The following TMCO4 variants were observed in gnomAD, a reference collection of about 807,000 sequenced individuals.
The protein encoded by TMCO4 is transmembrane and coiled-coil domain-containing protein 4.
Under a neutral mutation model 64.7 loss-of-function variants are expected in TMCO4, and 58 were observed. The observed-to-expected ratio is 0.90, with a 90% CI of 0.73 to 1.12. The LOEUF (loss-of-function observed/expected upper bound fraction) is 1.12, where lower values mean the gene tolerates loss of function less well. Among genes scored for constraint, TMCO4 ranks in the 50% most tolerant of loss-of-function variants. The pLI is 0.00. For synonymous variants in TMCO4, 325 were observed against 346.1 expected, an observed-to-expected ratio of 0.94 and a Z score of 0.68; for missense variants, 780 against 825.9, an observed-to-expected ratio of 0.94 and a Z score of 0.68.
At chr1:19,726,164 C>T (rs1323011791) in intron 13 of TMCO4, among the ~76,000 whole-genome samples, 1 of 152,210 alleles carries the variant, frequency 6.6e-6, no homozygotes, top group Non-Finnish European at 1.5e-5. Flanking sequence ...CTTTAAGCAT[C>T]AGCCACATTC....
At chr1:19,756,167 TGA>T (rs1163157136) in intron 6 of TMCO4, among the ~76,000 whole-genome samples, 3 of 152,116 alleles carry the variant, frequency 2.0e-5, no homozygotes, top group Non-Finnish European at 4.4e-5. Context: ...AGGAGGATCA[TGA>T]GCCTAGGAGG....
chr1:19,754,828 C>T (rs1333221810), intron 7 of TMCO4, among the ~76,000 whole-genome samples: 2 of 152,172 alleles, frequency 1.3e-5, no homozygotes, highest in African/African-American at 4.8e-5. Flanking sequence ...CAAGCACTTG[C>T]TGTGTGCCAG....
intron 15 of TMCO4, among the ~76,000 whole-genome samples, chr1:19,688,564 A>C (rs866223379): frequency 6.6e-6 from 1 of 152,152 alleles, no homozygotes; most frequent in African/African-American, 2.4e-5. Context: ...TTGATAATAC[A>C]TGTAACAGGC....
rs906537734 is a variant in TMCO4 at position 19,682,374 on chromosome 1, A to G, written c.*666T>C. 3.0e-5 allele frequency: 15 copies of G among 494,118 alleles called. No homozygotes were observed. The highest frequency in any genetic ancestry group is 2.6e-4 in the Admixed American group (8 of 31,268). 30.6% of individuals were successfully genotyped at this position (494,118 alleles called of 1,614,324 possible). ...GAATGCAATTCAGCATGTATTCACC[A>G]TGCTCTGTTAGTGGTGTCCAGATGT... On this transcript the variant is annotated 3_prime_UTR_variant, in exon 16 of 16. Transcript: ENST00000294543.
chr1:19,769,704 G>A (rs1357034875), intron 6 of TMCO4, among the ~76,000 whole-genome samples: 4 of 152,114 alleles, frequency 2.6e-5, no homozygotes, highest in Non-Finnish European at 5.9e-5. Flanking sequence ...TGGCAGAGAG[G>A]AGCTGGTGGG....
chr1:19,683,184 C>A lies in TMCO4; in HGVS notation c.1761G>T (p.Gly587=), dbSNP rs1260876084. 6.2e-7 allele frequency: 1 copy of A among 1,614,240 alleles called. No individual in the cohort carries two copies. Among genetic ancestry groups the A allele is most frequent in the Non-Finnish European group, 8.5e-7 (1 of 1,180,042 alleles). Residue 587 remains glycine, a synonymous_variant, in exon 16 of 16, where the codon GGG becomes GGT. Transcript: ENST00000294543. The part of the protein sequence containing the change: ...TDPSQAQVPV[G]LDQSEGASLP... ...GGGAGGCCCCTTCAGACTGGTCCAG[C>A]CCTACTGGCACCTGGGCTTGGCTGG...
chr1:19,729,050 A>G (rs2100778861), intron 13 of TMCO4, among the ~76,000 whole-genome samples: 1 of 152,322 alleles, frequency 6.6e-6, no homozygotes, highest in South Asian at 2.1e-4. Context: ...CCCATAGTGG[A>G]TATAGAATAA....
At chr1:19,787,356 A>G (rs899100990) in intron 2 of TMCO4, among the ~76,000 whole-genome samples, 4 of 152,192 alleles carry the variant, frequency 2.6e-5, no homozygotes, top group Non-Finnish European at 5.9e-5. Flanking sequence ...CGGCCCTGCC[A>G]CTTTCCATGG....
At chr1:19,796,864 C>A (rs1007305868) in intron 2 of TMCO4, among the ~76,000 whole-genome samples, 2 of 152,180 alleles carry the variant, frequency 1.3e-5, no homozygotes, top group Non-Finnish European at 2.9e-5. Context: ...TGAGCCACCA[C>A]GCCTGGCCTG....
chr1:19,792,490 C>A (rs1363494678), intron 2 of TMCO4, among the ~76,000 whole-genome samples: 2 of 152,310 alleles, frequency 1.3e-5, no homozygotes, highest in Middle Eastern at 3.4e-3. Context: ...TCCACAAGTA[C>A]CCACAGTAGG....
chr1:19,797,771 G>A (rs1345790391), intron 2 of TMCO4, among the ~76,000 whole-genome samples: 4 of 151,612 alleles, frequency 2.6e-5, no homozygotes, highest in African/African-American at 9.7e-5. Context: ...GCCTGAGGCA[G>A]GAGAACCGCT....
Position 19,780,582 on chromosome 1 carries a change from G to A in TMCO4, c.177C>T (p.His59=). The change falls in exon 4 of 16, where the codon CAC becomes CAT. Residue 59 remains histidine (H), a splice_region_variant and synonymous_variant. Transcript: ENST00000294543. ...SLSQLFPEPE[H]SSFCTEFMAG... is the part of the protein sequence containing the mutation. ...CACTGCAAGACAGAAGAACTCACCT[G>A]TGTTCGGGTTCAGGAAATAACTGGG... is the stretch of plus-strand genomic sequence containing the variant. The A allele has an allele frequency of 6.3e-7, 1 of 1,597,674 alleles. No individual in the cohort carries two copies.
intron 13 of TMCO4, among the ~76,000 whole-genome samples, chr1:19,721,581 G>A (rs2095383704): frequency 6.6e-6 from 1 of 152,130 alleles, no homozygotes; most frequent in Non-Finnish European, 1.5e-5. Context: ...TCAAGCTCAG[G>A]AGTTCGAGAC....
chr1:19,728,058 G>A (rs534677479), intron 13 of TMCO4, among the ~76,000 whole-genome samples: 221 of 152,322 alleles, frequency 1.5e-3, no homozygotes, highest in African/African-American at 5.1e-3. Context: ...TTACTCGAAG[G>A]TGGAGGATGA....
chr1:19,691,856 GT>G (rs1241670729), intron 15 of TMCO4, among the ~76,000 whole-genome samples: 3 of 152,148 alleles, frequency 2.0e-5, no homozygotes, highest in Admixed American at 2.0e-4. Flanking sequence ...CATAGGGGTG[GT>G]TTCCCCCAAC....
At chr1:19,737,885 G>A (rs556643654) in intron 12 of TMCO4, among the ~76,000 whole-genome samples, 1 of 152,368 alleles carries the variant, frequency 6.6e-6, no homozygotes, top group South Asian at 2.1e-4. Context: ...CAGGTGTGAG[G>A]GGTAAAAAGG....
intron 13 of TMCO4, among the ~76,000 whole-genome samples, chr1:19,709,357 G>A: frequency 7.3e-6 from 1 of 136,404 alleles, no homozygotes; most frequent in East Asian, 2.1e-4. Context: ...CCCCACCCCA[G>A]GGGGACTAAA....
At chr1:19,721,836 C>A (rs114671251) in intron 13 of TMCO4, among the ~76,000 whole-genome samples, 1 of 152,014 alleles carries the variant, frequency 6.6e-6, no homozygotes, top group Non-Finnish European at 1.5e-5. Context: ...CACACACACA[C>A]GTTTTGGAAA....
At chr1:19,706,219 A>C (rs879279819) in intron 13 of TMCO4, among the ~76,000 whole-genome samples, 1 of 152,210 alleles carries the variant, frequency 6.6e-6, no homozygotes, top group Non-Finnish European at 1.5e-5. Flanking sequence ...TACCACTTGC[A>C]GTGTCAAGCA....
Sources: gnomAD v4.1 joint callset for allele counts (sites outside exome capture counted in the v4.1 genomes callset) on GRCh38, gnomAD v4.1.1 for gene constraint, MANE v1.5 for transcripts, NCBI Gene and HGNC (gene_info 2026-07-23, HGNC 2026-07-21) for gene names.